AXIN1: variants seen among roughly 807,000 people sequenced by gnomAD.
AXIN1 encodes the protein axin-1.
Under a neutral mutation model 76.4 loss-of-function variants are expected in AXIN1, and 30 were observed. That is an observed-to-expected ratio of 0.39 (90% CI 0.29 to 0.53). The LOEUF is 0.53. Ranked by LOEUF, AXIN1 falls within the 20% of genes least tolerant of loss-of-function variation. The probability of loss-of-function intolerance (pLI) is 0.66; values close to 1 mark genes in which losing one functional copy is unlikely to be tolerated. For synonymous variants in AXIN1, 545 were observed against 501.4 expected (o/e 1.09, Z -1.16); for missense variants, 1,140 against 1,198.8 (o/e 0.95, Z 0.72).
rs186287008 is a variant in AXIN1, at chr16:350,888, T to A, written c.-82+1481A>T. Among the ~76,000 whole-genome samples, 248 of 152,190 alleles carry A rather than the reference T, an allele frequency of 1.6e-3. 2 individuals carry two copies. Among genetic ancestry groups the A allele is most frequent in the East Asian group, 0.01 (52 of 5,180 alleles). ...GGCTCACGCCTGTAATCCCAGCACT[T>A]TGGGAGGCCGAGGTGGGCGGATCAC... On this transcript the variant is annotated intron_variant, in intron 1 of 10. Transcript: ENST00000262320.
chr16:319,003 G>GA (rs1254981777), intron 2 of AXIN1, among the ~76,000 whole-genome samples: 3 of 151,208 alleles, frequency 2.0e-5, no homozygotes, highest in Non-Finnish European at 4.4e-5. Flanking sequence ...AATGCGGCCG[G>GA]AGACTTGGTG....
In AXIN1 at chr16:297,182, T is replaced by A; in HGVS notation, c.1829A>T (p.Glu610Val). The change falls in exon 7 of 11, where the codon GAG becomes GTG. Residue 610 changes from glutamate to valine, a missense_variant. By Grantham distance (121) the Glu-to-Val change is moderately radical. Around this residue, in one of 3 missense-constraint regions of AXIN1, gnomAD observed 429 missense variants for 405.8 expected, o/e 1.06. Coordinates refer to ENST00000262320, the MANE Select transcript of AXIN1 (RefSeq NM_003502.4). ...CTCGGTGCTGGCGCTCTTCCCCGAC[T>A]CAGCCTTCTTGGCATTTCTTTTGCA... ...VACKRNAKKA[E>V]SGKSASTEVP... The A allele has an allele frequency of 6.2e-7, 1 of 1,610,928 alleles. No homozygotes were observed. Among genetic ancestry groups the A allele is most frequent in the Non-Finnish European group, 8.5e-7 (1 of 1,179,948 alleles).
At chr16:343,205 G>C (rs1597118099) in intron 2 of AXIN1, among the ~76,000 whole-genome samples, 1 of 152,154 alleles carries the variant, frequency 6.6e-6, no homozygotes, top group African/African-American at 2.4e-5. Flanking sequence ...TTAGACAGGA[G>C]AAGCCAATGT....
chr16:297,299 C>G (rs1164363488), intron 6 of AXIN1, 73 bp from the exon 7 acceptor site: 2 of 1,574,740 alleles, frequency 1.3e-6, no homozygotes, highest in Non-Finnish European at 8.6e-7. Flanking sequence ...GTCTGCGAGG[C>G]CCCCTCCTGG....
At chr16:291,022 C>T (rs2052542583) in intron 9 of AXIN1, 168 bp downstream of exon 9, 1 of 693,746 alleles carries the variant, frequency 1.4e-6, no homozygotes, top group Admixed American at 2.0e-5. Context: ...CAGGAGAAGG[C>T]TCTCGGGCAG....
intron 2 of AXIN1, among the ~76,000 whole-genome samples, chr16:339,299 C>A (rs1488295092): frequency 6.8e-6 from 1 of 147,204 alleles, no homozygotes; most frequent in Admixed American, 6.8e-5. Flanking sequence ...GTCAGGAGAT[C>A]GAGACCATCC....
chr16:334,362 A>G (rs1245648158), intron 2 of AXIN1, among the ~76,000 whole-genome samples: 2 of 146,694 alleles, frequency 1.4e-5, no homozygotes, highest in African/African-American at 5.1e-5. Flanking sequence ...CAACACACCA[A>G]TAACACAGCA....
chr16:295,732 C>G (rs2052693416), intron 7 of AXIN1, among the ~76,000 whole-genome samples: 1 of 152,112 alleles, frequency 6.6e-6, no homozygotes, highest in Non-Finnish European at 1.5e-5. Context: ...GAGGCCGAGG[C>G]AGGCGGATCA....
At chr16:323,577 C>G (rs139894550) in intron 2 of AXIN1, among the ~76,000 whole-genome samples, 2,995 of 151,820 alleles carry the variant, frequency 0.02, 105 homozygotes, top group African/African-American at 0.068. Context: ...GTCAAGAGAT[C>G]AAGACCATCC....
At chr16:351,617 A>C (rs1047903235) in intron 1 of AXIN1, among the ~76,000 whole-genome samples, 1 of 144,682 alleles carries the variant, frequency 6.9e-6, no homozygotes, top group Non-Finnish European at 1.5e-5. Context: ...CTCAAAAAAA[A>C]AAAATTATCT....
chr16:299,044 G>A (rs2052796359), intron 5 of AXIN1: 4 of 983,292 alleles, frequency 4.1e-6, no homozygotes, highest in Non-Finnish European at 4.8e-6. Context: ...TGGGATGACA[G>A]GCATGAGCCG....
intron 10 of AXIN1, 161 bp from the exon 11 acceptor site, chr16:288,409 C>T (rs974693157): frequency 1.8e-5 from 19 of 1,064,052 alleles, no homozygotes; most frequent in Non-Finnish European, 2.6e-5. Flanking sequence ...CAACAGTGAA[C>T]AGTGCAATGA....
Position 310,012 on chromosome 16 carries a change from G to A in AXIN1, c.1077C>T (p.Ser359=), listed in dbSNP as rs765672618. 16 of 1,613,424 alleles carry A rather than the reference G, an allele frequency of 9.9e-6. No individual in the cohort carries two copies. The highest frequency in any genetic ancestry group is 1.4e-5 in the Non-Finnish European group (16 of 1,179,996). ...RKQHRREMQE[S]VQVNGRVPLP... ...GGGGCACCCGCCCATTGACCTGCAC[G>A]CTCTCCTGCATCTCCCTGCGGTGCT... Residue 359 remains serine, a synonymous_variant, in exon 4 of 11, where the codon AGC becomes AGT. Coordinates refer to ENST00000262320, the MANE Select transcript of AXIN1 (RefSeq NM_003502.4).
intron 2 of AXIN1, among the ~76,000 whole-genome samples, chr16:325,496 T>G (rs1567291994): frequency 6.6e-6 from 1 of 151,874 alleles, no homozygotes; most frequent in African/African-American, 2.4e-5. Context: ...GCGGGCAGAG[T>G]TGACCCCGAG....
intron 8 of AXIN1, chr16:291,689 C>T (rs945921266): frequency 2.9e-5 from 10 of 340,392 alleles, no homozygotes; most frequent in East Asian, 1.6e-4. Context: ...GGCTCTGGGG[C>T]GTGCGTGGCA....
At chr16:311,265 C>T (rs964375744) in intron 3 of AXIN1, among the ~76,000 whole-genome samples, 12 of 151,808 alleles carry the variant, frequency 7.9e-5, no homozygotes, top group Non-Finnish European at 1.8e-4. Context: ...CTCCTGACCC[C>T]GTGATCCGCC....
At chr16:303,588 G>A (rs574164987) in intron 5 of AXIN1, among the ~76,000 whole-genome samples, 1 of 151,650 alleles carries the variant, frequency 6.6e-6, no homozygotes, top group Non-Finnish European at 1.5e-5. Context: ...CACCATTTTG[G>A]CCAGGCTGGT....
Position 287,802 on chromosome 16 carries a change from C to A in AXIN1, c.*320G>T, listed in dbSNP as rs1169048941. 1 of 479,542 alleles carries A rather than the reference C, an allele frequency of 2.1e-6. No homozygotes were observed. The highest frequency in any genetic ancestry group is 3.9e-6 in the Non-Finnish European group (1 of 258,952). The allele number at this position is 479,542 out of a possible 1,614,324, so 29.7% of individuals were successfully genotyped here. A position where few individuals can be genotyped will look rare whatever the true frequency, so the allele number is the denominator to read the frequency against. On this transcript the variant is annotated 3_prime_UTR_variant, in exon 11 of 11. Coordinates refer to ENST00000262320, the MANE Select transcript of AXIN1 (RefSeq NM_003502.4). ...CAGAGGGAAAGTAGATCCCAGCACA[C>A]GTGCCCAAGGGAGGTGCCGGGGGAT...
intron 2 of AXIN1, among the ~76,000 whole-genome samples, chr16:319,857 T>C (rs2053399840): frequency 1.3e-5 from 2 of 152,244 alleles, no homozygotes; most frequent in Admixed American, 1.3e-4. Flanking sequence ...CGGTTACATT[T>C]AGTGTGATGT....
Sources: gnomAD v4.1 joint callset for allele counts (sites outside exome capture counted in the v4.1 genomes callset) on GRCh38, gnomAD v4.1.1 for gene constraint, gnomAD v4.1.1 regional missense constraint, MANE v1.5 for transcripts, NCBI Gene and HGNC (gene_info 2026-07-23, HGNC 2026-07-21) for gene names.